GLIS2: variants seen among roughly 807,000 people sequenced by gnomAD.
The protein encoded by GLIS2 is GLIS family zinc finger 2.
In GLIS2, 14 loss-of-function variants were observed where a neutral mutation model predicts 35.6. The observed-to-expected ratio is 0.39, with a 90% CI of 0.26 to 0.61. The LOEUF (loss-of-function observed/expected upper bound fraction) is 0.61. GLIS2 is among the 20% of genes least tolerant of loss of function. The pLI, the probability that GLIS2 is intolerant of heterozygous loss-of-function variation, is 0.48. For missense variants in GLIS2, 675 were observed against 713.4 expected, an observed-to-expected ratio of 0.95 and a Z score of 0.61; for synonymous variants, 368 against 325.1, an observed-to-expected ratio of 1.13 and a Z score of -1.42.
At chr16:4,328,937 C>T (rs2053467625) in intron 1 of GLIS2, among the ~76,000 whole-genome samples, 1 of 149,690 alleles carries the variant, frequency 6.7e-6, no homozygotes. Flanking sequence ...TCCCAGTTCC[C>T]AAACCATCCT....
upstream of GLIS2, chr16:4,315,344 G>C (rs2053294977): frequency 1.3e-5 from 2 of 152,218 alleles, no homozygotes; most frequent in African/African-American, 2.4e-5. Flanking sequence ...TCTGCCCGCC[G>C]GGCGCTGCCT....
At chr16:4,327,183 C>T (rs562710525) in intron 1 of GLIS2, among the ~76,000 whole-genome samples, 105 of 152,310 alleles carry the variant, frequency 6.9e-4, no homozygotes, top group Admixed American at 5.7e-3. Context: ...CGTCAGCCAC[C>T]GCGCCTGGCC....
At position 4,332,290 on chromosome 16, in the gene GLIS2, C is replaced by G; in HGVS notation, c.10C>G (p.Leu4Val). The change falls in exon 2 of 7, where the codon CTG becomes GTG. Residue 4 changes from leucine to valine, a missense_variant. Transcript: ENST00000433375. This position sits in a 1 kb window ranked among gnomAD's most constrained non-coding sequence, Gnocchi z 5.4. MHS[L>V]DEPLDLKLSI... ...CTCCGGCCCCCTCACCATGCACTCC[C>G]TGGACGAGCCGCTCGACCTGAAGCT... 1 of 1,612,450 alleles carries G rather than the reference C, an allele frequency of 6.2e-7. No homozygotes were observed. Among genetic ancestry groups the G allele is most frequent in the Non-Finnish European group, 8.5e-7 (1 of 1,179,842 alleles).
At chr16:4,334,557 G>A (rs1567223327) in intron 3 of GLIS2, among the ~76,000 whole-genome samples, 1 of 151,388 alleles carries the variant, frequency 6.6e-6, no homozygotes, top group Non-Finnish European at 1.5e-5. Context: ...TTTTAATTAA[G>A]AAAATAAAAA....
At chr16:4,318,078 G>T (rs755295300) in intron 1 of GLIS2, among the ~76,000 whole-genome samples, 1 of 152,102 alleles carries the variant, frequency 6.6e-6, no homozygotes, top group Non-Finnish European at 1.5e-5. Context: ...ATGGGGAGGG[G>T]GTGCCCTGGG....
intron 1 of GLIS2, among the ~76,000 whole-genome samples, chr16:4,319,848 G>A (rs549710243): frequency 2.5e-4 from 37 of 149,974 alleles, no homozygotes; most frequent in East Asian, 7.7e-4. Flanking sequence ...GGGCAGGCAC[G>A]GAGGCCGGGT....
In GLIS2 at chr16:4,332,380, C is replaced by G. The variant is rs369113794; in HGVS notation, c.100C>G (p.Arg34Gly). 2.5e-6 allele frequency: 4 copies of G among 1,613,002 alleles called. No individual in the cohort carries two copies. The highest frequency in any genetic ancestry group is 3.4e-6 in the Non-Finnish European group (4 of 1,180,018). ...GAGGACGCTGGGTGTGGTCCGGCCC[C>G]GTGCTCTGCACAGGGAGCTGGGCCT... ...RERTLGVVRP[R>G]ALHRELGLVD... The change falls in exon 2 of 7, where the codon CGT becomes GGT. Residue 34 changes from arginine (R) to glycine (G), a missense_variant. Around this residue, in one of 3 missense-constraint regions of GLIS2, gnomAD observed 225 missense variants for 238.7 expected, o/e 0.94. Coordinates refer to ENST00000433375, the MANE Select transcript of GLIS2 (RefSeq NM_032575.3). This position sits in a 1 kb window ranked among gnomAD's most constrained non-coding sequence, Gnocchi z 5.4.
chr16:4,319,082 A>G (rs1197422997), intron 1 of GLIS2, among the ~76,000 whole-genome samples: 3 of 150,882 alleles, frequency 2.0e-5, no homozygotes, highest in Admixed American at 1.3e-4. Context: ...GGGGAGGCCC[A>G]GGGGTCTCTG....
At chr16:4,329,889 A>G (rs1018465530) in intron 1 of GLIS2, among the ~76,000 whole-genome samples, 12 of 152,348 alleles carry the variant, frequency 7.9e-5, no homozygotes, top group Admixed American at 7.8e-4. Context: ...GCGTAGGAAA[A>G]GATTGCTGCT....
intron 1 of GLIS2, chr16:4,331,820 C>T (rs2053498980): frequency 4.2e-6 from 1 of 239,322 alleles, no homozygotes; most frequent in East Asian, 1.0e-4. Flanking sequence ...GGAGCGGTGC[C>T]TGCCTGTAGT....
Position 4,333,466 on chromosome 16 carries a change from C to T in GLIS2, c.292C>T (p.Leu98=). The T allele has an allele frequency of 6.2e-7, 1 of 1,612,706 alleles. No homozygotes were observed. Among genetic ancestry groups the T allele is most frequent in the Non-Finnish European group, 8.5e-7 (1 of 1,179,918 alleles). Reference sequence around the variant, plus strand: ...GGACTCCCCCAATGGCAGCAGCTCGCTGTCCCCCGAGCGCCAGGGCAACGG... The same window carrying T: ...GGACTCCCCCAATGGCAGCAGCTCGTTGTCCCCCGAGCGCCAGGGCAACGG... The part of the protein sequence containing the change: ...GLDSPNGSSS[L]SPERQGNGDL... Residue 98 remains leucine, a synonymous_variant, in exon 3 of 7, where the codon CTG becomes TTG. Transcript: ENST00000433375.
Position 4,332,090 on chromosome 16 carries a change from G to A in GLIS2, c.-66-125G>A, listed in dbSNP as rs1310268532. 3 of 743,206 alleles carry A rather than the reference G, an allele frequency of 4.0e-6. No individual in the cohort carries two copies. Among genetic ancestry groups the A allele is most frequent in the Admixed American group, 2.1e-5 (1 of 48,020 alleles). 46.0% of individuals were successfully genotyped at this position (743,206 alleles called of 1,614,324 possible). A position where few individuals can be genotyped will look rare whatever the true frequency, so the allele number is the denominator to read the frequency against. ...AGCTGCCGGCCAGGTCGCTCGGAGG[G>A]TCTCCCTACCCAGGAGACAACCTCA... On this transcript the variant is annotated intron_variant, in intron 1 of 6. Coordinates refer to ENST00000433375, the MANE Select transcript of GLIS2 (RefSeq NM_032575.3). The surrounding 1 kb of genome is among the most constrained non-coding windows in gnomAD (Gnocchi z 5.4).
At chr16:4,333,131 G>A (rs557314001) in intron 2 of GLIS2, among the ~76,000 whole-genome samples, 8 of 152,230 alleles carry the variant, frequency 5.3e-5, no homozygotes, top group East Asian at 1.9e-4. Context: ...CCCCCTCCCC[G>A]GCTCACGGGG....
intron 1 of GLIS2, chr16:4,328,364 A>G (rs1195291294): frequency 6.6e-6 from 1 of 152,348 alleles, no homozygotes; most frequent in Non-Finnish European, 1.5e-5. Flanking sequence ...CCAGCCGGGA[A>G]CAAAAGCACA....
At position 4,332,411 on chromosome 16, in the gene GLIS2, A is replaced by C; in HGVS notation, c.131A>C (p.Asp44Ala). ...CTGCACAGGGAGCTGGGCCTGGTGG[A>C]TGACAGCCCCACACCTGGCTCTCCA... ...RALHRELGLVDDSPTPGSPGS... is the reference protein window; with the variant it reads ...RALHRELGLVADSPTPGSPGS... Residue 44 changes from aspartate (D) to alanine (A), a missense_variant, in exon 2 of 7, where the codon GAT becomes GCT. Around this residue, in one of 3 missense-constraint regions of GLIS2, gnomAD observed 225 missense variants for 238.7 expected, o/e 0.94. Coordinates refer to ENST00000433375, the MANE Select transcript of GLIS2 (RefSeq NM_032575.3). The surrounding 1 kb of genome is among the most constrained non-coding windows in gnomAD (Gnocchi z 5.4). 4 of 1,612,720 alleles carry C rather than the reference A, an allele frequency of 2.5e-6. No individual in the cohort carries two copies. Among genetic ancestry groups the C allele is most frequent in the Non-Finnish European group, 3.4e-6 (4 of 1,179,998 alleles).
At chr16:4,323,461 G>GGT (rs888715552) in intron 1 of GLIS2, among the ~76,000 whole-genome samples, 2 of 142,530 alleles carry the variant, frequency 1.4e-5, no homozygotes, top group African/African-American at 6.2e-5. Flanking sequence ...GGCAGGCAGC[G>GGT]GGGGGGTGGA....
chr16:4,338,398 C>CT lies in GLIS2; in HGVS notation c.*875dup, dbSNP rs1167951222. 1.3e-5 allele frequency: 2 copies of CT among 152,394 alleles called. No homozygotes were observed. The highest frequency in any genetic ancestry group is 3.9e-4 in the East Asian group (2 of 5,194). 9.4% of individuals were successfully genotyped at this position (152,394 alleles called of 1,614,324 possible). On this transcript the variant is annotated 3_prime_UTR_variant, in exon 7 of 7. Coordinates refer to ENST00000433375, the MANE Select transcript of GLIS2 (RefSeq NM_032575.3). ...GGCCCAGCGCCCCGTCTTCCTCCTT[C>CT]TACCCCCGCTGGGCCTGGCCTGGGC... is the stretch of plus-strand genomic sequence containing the variant.
intron 1 of GLIS2, chr16:4,324,705 G>A (rs542597709): frequency 6.6e-5 from 10 of 152,288 alleles, no homozygotes; most frequent in African/African-American, 1.7e-4. Flanking sequence ...ACTGTTCTCC[G>A]TGCTGAACGT....
intron 1 of GLIS2, among the ~76,000 whole-genome samples, chr16:4,330,335 C>A (rs368862756): frequency 1.9e-4 from 29 of 152,194 alleles, no homozygotes; most frequent in African/African-American, 7.0e-4. Flanking sequence ...AAAATTACAG[C>A]ATGGGAAGTG....
Sources: allele counts gnomAD v4.1 joint callset (sites outside exome capture counted in the v4.1 genomes callset), GRCh38; gene constraint gnomAD v4.1.1; regional missense constraint gnomAD v4.1.1; non-coding constraint Gnocchi (gnomAD v3.1); transcripts MANE v1.5; gene names NCBI Gene and HGNC (gene_info 2026-07-23, HGNC 2026-07-21).